The following CNTN3 variants were observed in gnomAD, a reference collection of about 807,000 sequenced individuals.
CNTN3 encodes the protein contactin 3.
CNTN3 carries 60 observed loss-of-function variants against 119.1 expected under a neutral mutation model. The ratio of observed to expected loss-of-function variants is 0.50; its 90% CI spans 0.41 to 0.62. CNTN3 has a LOEUF of 0.62. CNTN3 is among the 20% of genes least tolerant of loss of function. The pLI, the probability that CNTN3 is intolerant of heterozygous loss-of-function variation, is 0.00. For missense variants in CNTN3, 1,101 were observed against 1,242.4 expected (o/e 0.89, Z 1.71); for synonymous variants, 450 against 438.7 (o/e 1.03, Z -0.32).
At chr3:74,455,001 C>G (rs1333030087) in intron 4 of CNTN3, among the ~76,000 whole-genome samples, 8 of 152,066 alleles carry the variant, frequency 5.3e-5, no homozygotes, top group Non-Finnish European at 1.2e-4. Flanking sequence ...TTGCTCTTCT[C>G]AAAGAGTATC....
chr3:74,613,056 C>G (rs1331803389), intron 1 of CNTN3, among the ~76,000 whole-genome samples: 1 of 152,162 alleles, frequency 6.6e-6, no homozygotes. Context: ...GTAAACACAT[C>G]TAGCAAAGCA....
chr3:74,435,532 A>G (rs1701851913), intron 4 of CNTN3, among the ~76,000 whole-genome samples: 1 of 152,006 alleles, frequency 6.6e-6, no homozygotes, highest in African/African-American at 2.4e-5. Context: ...ATGGGCCCAT[A>G]TACTTGTTTG....
chr3:74,422,700 A>G (rs1184929013), intron 5 of CNTN3, among the ~76,000 whole-genome samples: 1 of 152,212 alleles, frequency 6.6e-6, no homozygotes, highest in African/African-American at 2.4e-5. Flanking sequence ...GTCAACACCT[A>G]TAAAACTGAT....
chr3:74,400,400 A>T (rs1705161404), intron 5 of CNTN3, among the ~76,000 whole-genome samples: 2 of 152,206 alleles, frequency 1.3e-5, no homozygotes, highest in Non-Finnish European at 1.5e-5. Flanking sequence ...GAAGTCTTGC[A>T]TCTTCCATTA....
At chr3:74,288,157 T>TC (rs1559682713) in intron 19 of CNTN3, among the ~76,000 whole-genome samples, 5 of 123,064 alleles carry the variant, frequency 4.1e-5, no homozygotes, top group Non-Finnish European at 3.3e-5. Flanking sequence ...TTCTTTTCTT[T>TC]TCTTTTTTTT....
At chr3:74,417,600 C>T (rs1015448058) in intron 5 of CNTN3, among the ~76,000 whole-genome samples, 2 of 152,100 alleles carry the variant, frequency 1.3e-5, no homozygotes, top group African/African-American at 4.8e-5. Context: ...AAGGCAGGCT[C>T]AATTAATATT....
chr3:74,325,987 G>A (rs1703119669), intron 13 of CNTN3, among the ~76,000 whole-genome samples: 1 of 152,044 alleles, frequency 6.6e-6, no homozygotes, highest in African/African-American at 2.4e-5. Flanking sequence ...CTTACTCTAA[G>A]CACTCTCAGA....
intron 13 of CNTN3, among the ~76,000 whole-genome samples, chr3:74,318,337 C>T (rs1436817382): frequency 3.9e-5 from 6 of 152,148 alleles, no homozygotes; most frequent in African/African-American, 1.2e-4. Context: ...TCTCTCAGCT[C>T]GTCAAAGTCA....
chr3:74,429,531 T>C (rs977203256), intron 4 of CNTN3, among the ~76,000 whole-genome samples: 5 of 152,090 alleles, frequency 3.3e-5, no homozygotes, highest in African/African-American at 1.2e-4. Flanking sequence ...ACTATAGAAC[T>C]TTTATTTAAA....
intron 1 of CNTN3, among the ~76,000 whole-genome samples, chr3:74,527,290 T>A (rs552859695): frequency 6.6e-6 from 1 of 151,934 alleles, no homozygotes; most frequent in Admixed American, 6.6e-5. Flanking sequence ...GTTTTTTATA[T>A]GGTGAGGTAT....
At chr3:74,311,164 A>G (rs957735996) in intron 13 of CNTN3, among the ~76,000 whole-genome samples, 2 of 152,182 alleles carry the variant, frequency 1.3e-5, no homozygotes, top group Admixed American at 6.5e-5. Context: ...AATGGCTCAG[A>G]GAGAATAAAT....
chr3:74,493,626 T>C (rs1377526446), intron 3 of CNTN3, among the ~76,000 whole-genome samples: 1 of 152,118 alleles, frequency 6.6e-6, no homozygotes, highest in African/African-American at 2.4e-5. Context: ...ACAGGAAAAT[T>C]AGAAATTTAA....
chr3:74,493,793 T>C (rs1575780359), intron 3 of CNTN3, among the ~76,000 whole-genome samples: 2 of 152,322 alleles, frequency 1.3e-5, no homozygotes, highest in Admixed American at 6.5e-5. Flanking sequence ...TTCAATACTT[T>C]ATCCAAAAAT....
intron 1 of CNTN3, among the ~76,000 whole-genome samples, chr3:74,552,055 C>T (rs1189252829): frequency 1.3e-5 from 2 of 152,042 alleles, no homozygotes; most frequent in Admixed American, 6.5e-5. Flanking sequence ...TGAGCCACTG[C>T]GCCTAGCCGG....
At chr3:74,501,390 C>G (rs1300269683) in intron 2 of CNTN3, among the ~76,000 whole-genome samples, 8 of 151,948 alleles carry the variant, frequency 5.3e-5, no homozygotes, top group African/African-American at 1.9e-4. Flanking sequence ...TGTCACACAT[C>G]GATACCGGAA....
intron 2 of CNTN3, among the ~76,000 whole-genome samples, chr3:74,518,703 T>G (rs986945206): frequency 6.6e-6 from 1 of 151,938 alleles, no homozygotes; most frequent in African/African-American, 2.4e-5. Flanking sequence ...TATTTTGCTT[T>G]CAAAGCATTC....
chr3:74,371,396 A>G lies in CNTN3; in HGVS notation c.458T>C (p.Leu153Pro), dbSNP rs747797755. 2 of 1,610,990 alleles carry G rather than the reference A, an allele frequency of 1.2e-6. No homozygotes were observed. Among genetic ancestry groups the G allele is most frequent in the Non-Finnish European group, 1.7e-6 (2 of 1,177,616 alleles). Reference sequence around the variant, plus strand: ...TTCATTGAAGATCCAAGCATATGACAGTTCTAATAAAATTGTTGAAGAGAG... The same window carrying G: ...TTCATTGAAGATCCAAGCATATGACGGTTCTAATAAAATTGTTGAAGAGAG... Reference protein sequence around the residue: ...LCGPPPHSGELSYAWIFNEYP... With the variant: ...LCGPPPHSGEPSYAWIFNEYP... The change falls in exon 6 of 23, where the codon CTG becomes CCG. Residue 153 changes from leucine (L) to proline (P), a missense_variant. Transcript: ENST00000263665.
chr3:74,592,816 T>A lies in CNTN3; in HGVS notation c.-81+21575A>T, dbSNP rs138881607. 1.1e-3 allele frequency among the ~76,000 whole-genome samples: 172 copies of A among 152,100 alleles called. 1 individual carries two copies. Among genetic ancestry groups the A allele is most frequent in the African/African-American group, 4.0e-3 (165 of 41,540 alleles). On this transcript the variant is annotated intron_variant, in intron 1 of 22. Transcript: ENST00000263665. ...TACATTTTATATGTCACACTGATCA[T>A]AAATTGCACTTATTTTTGTTGTGTA...
chr3:74,344,710 C>T (rs186108837), intron 11 of CNTN3, among the ~76,000 whole-genome samples: 1 of 152,128 alleles, frequency 6.6e-6, no homozygotes, highest in South Asian at 2.1e-4. Flanking sequence ...CCGCCCGCCT[C>T]GGCCTCCCAA....
Sources: gnomAD v4.1 joint callset for allele counts (sites outside exome capture counted in the v4.1 genomes callset) on GRCh38, gnomAD v4.1.1 for gene constraint, MANE v1.5 for transcripts, NCBI Gene and HGNC (gene_info 2026-07-23, HGNC 2026-07-21) for gene names.